Variants in SLC5A4 observed in about 807,000 individuals in gnomAD.
SLC5A4 encodes solute carrier family 5 member 4.
Under a neutral mutation model 70.3 loss-of-function variants are expected in SLC5A4, and 55 were observed. The ratio of observed to expected loss-of-function variants is 0.78; its 90% confidence interval spans 0.63 to 0.98. The LOEUF (loss-of-function observed/expected upper bound fraction) is 0.98, where lower values mean the gene tolerates loss of function less well. Among genes scored for constraint, SLC5A4 ranks in the 50% least tolerant of loss-of-function variants. The pLI is 0.00. For synonymous variants in SLC5A4, 268 were observed against 305.7 expected, an observed-to-expected ratio of 0.88 and a Z score of 1.29; for missense variants, 735 against 839.2, an observed-to-expected ratio of 0.88 and a Z score of 1.53.
At chr22:32,308,131 T>C in the SLC5A4 span, among the ~76,000 whole-genome samples, 5 of 152,294 alleles carry the variant, frequency 3.3e-5, no homozygotes, top group Admixed American at 2.6e-4. Context: ...ACTGGTACGA[T>C]CTCAGCTCAC....
At chr22:32,339,955 C>T in the SLC5A4 span, among the ~76,000 whole-genome samples, 8,532 of 152,264 alleles carry the variant, frequency 0.056, 249 homozygotes, top group South Asian at 0.084. Context: ...ACAGAGAACC[C>T]ACAACCACAG....
chr22:32,270,314 G>C, the SLC5A4 span: 4 of 928,550 alleles, frequency 4.3e-6, no homozygotes, highest in Middle Eastern at 6.9e-4. Flanking sequence ...ATTGTGGTTT[G>C]CTCCAGCCAC....
intron 9 of SLC5A4, 101 bp downstream of exon 9, chr22:32,232,798 T>C (rs1049123680): frequency 4.9e-6 from 7 of 1,439,620 alleles, no homozygotes; most frequent in Admixed American, 2.2e-5. Context: ...CTGCTTTTAC[T>C]TCCTTCCAGA....
chr22:32,333,647 T>C, the SLC5A4 span, among the ~76,000 whole-genome samples: 1 of 152,064 alleles, frequency 6.6e-6, no homozygotes, highest in Non-Finnish European at 1.5e-5. Flanking sequence ...CCAGCTTCCA[T>C]GCATTCTGCA....
chr22:32,264,134 G>A, the SLC5A4 span, among the ~76,000 whole-genome samples: 7 of 151,502 alleles, frequency 4.6e-5, no homozygotes, highest in African/African-American at 1.7e-4. Context: ...ACGCGTATAC[G>A]TATGTAACAA....
intron 13 of SLC5A4, 105 bp downstream of exon 13, chr22:32,224,162 C>T (rs539448280): frequency 2.1e-5 from 17 of 798,974 alleles, no homozygotes; most frequent in Middle Eastern, 2.6e-4. Flanking sequence ...CCTCGTGATC[C>T]GCCCGCCTTG....
chr22:32,233,861 CAAAA>C, intron 8 of SLC5A4, among the ~76,000 whole-genome samples: 1 of 130,674 alleles, frequency 7.7e-6, no homozygotes, highest in East Asian at 2.2e-4. Context: ...TTCCAGGAAC[CAAAA>C]AAAAAAAAAG....
chr22:32,304,646 G>A, the SLC5A4 span, among the ~76,000 whole-genome samples: 1 of 152,148 alleles, frequency 6.6e-6, no homozygotes, highest in Admixed American at 6.5e-5. Context: ...TAGCAGCTGT[G>A]TCTTTTTGCA....
rs143439802 is a variant in SLC5A4, at chr22:32,245,871, T to C, written c.477+1540A>G. 2.9e-4 allele frequency among the ~76,000 whole-genome samples: 44 copies of C among 152,290 alleles called. 1 individual carries two copies. The South Asian group carries it at 4.6e-3, about 16-fold the overall frequency. ...TGTAGATGTCAGCACCAGAGGACAA[T>C]TGGGAGACTAGCAAGTCCAACGATT... On this transcript the variant is annotated intron_variant, in intron 5 of 14. Coordinates refer to ENST00000266086, the MANE Select transcript of SLC5A4 (RefSeq NM_014227.3).
At chr22:32,341,770 C>T in the SLC5A4 span, among the ~76,000 whole-genome samples, 1 of 152,230 alleles carries the variant, frequency 6.6e-6, no homozygotes, top group African/African-American at 2.4e-5. Flanking sequence ...CTCTGCCTAA[C>T]GCTGCCTTTC....
chr22:32,269,483 C>G, the SLC5A4 span: 28 of 551,362 alleles, frequency 5.1e-5, no homozygotes, highest in African/African-American at 7.5e-5. The surrounding 1 kb of genome is among the most constrained non-coding windows in gnomAD (Gnocchi z 4.1). Flanking sequence ...CGAGCCCAAC[C>G]AGACCTGGCC....
intron 14 of SLC5A4, among the ~76,000 whole-genome samples, chr22:32,220,308 C>G (rs923866369): frequency 1.3e-5 from 2 of 152,052 alleles, no homozygotes; most frequent in Admixed American, 6.6e-5. Flanking sequence ...TTGAAGAAAC[C>G]AAACCAAAAC....
chr22:32,233,027 A>G lies in SLC5A4; in HGVS notation c.893T>C (p.Val298Ala), dbSNP rs1368099457. 2 of 1,613,258 alleles carry G rather than the reference A, an allele frequency of 1.2e-6. No homozygotes were observed. Among genetic ancestry groups the G allele is most frequent in the African/African-American group, 2.7e-5 (2 of 74,890 alleles). Residue 298 changes from valine (V) to alanine (A), a missense_variant, in exon 9 of 15, where the codon GTG becomes GCG. Physicochemically the swap from Val to Ala is moderately conservative, Grantham distance 64. Coordinates refer to ENST00000266086, the MANE Select transcript of SLC5A4 (RefSeq NM_014227.3). ...LWYWCTNQVI[V>A]QRCLCGKDMS... The stretch of plus-strand genomic sequence containing the variant: ...GTCCTTGCCACACAGGCAGCGCTGC[A>G]CAATGACCTGCCGGGAGAACGTGAC...
At chr22:32,270,461 G>A in the SLC5A4 span, 3 of 995,948 alleles carry the variant, frequency 3.0e-6, no homozygotes, top group Admixed American at 5.5e-5. Context: ...AATCCCAAGG[G>A]GGAGGGCACG....
At chr22:32,233,331 C>T (rs964556135) in intron 8 of SLC5A4, among the ~76,000 whole-genome samples, 7 of 152,090 alleles carry the variant, frequency 4.6e-5, no homozygotes, top group African/African-American at 7.2e-5. Context: ...TGGATGGAAC[C>T]GGAGGTCATT....
At chr22:32,354,938 G>A in the SLC5A4 span, 1 of 152,522 alleles carries the variant, frequency 6.6e-6, no homozygotes, top group East Asian at 1.9e-4. Flanking sequence ...TGCTAATGAA[G>A]TTGCTCCTCC....
At chr22:32,264,865 G>A in the SLC5A4 span, among the ~76,000 whole-genome samples, 18 of 152,142 alleles carry the variant, frequency 1.2e-4, no homozygotes, top group Admixed American at 1.0e-3. Flanking sequence ...TGTGAACCCC[G>A]CACGTTTATA....
At chr22:32,241,860 T>C (rs1926545728) in intron 5 of SLC5A4, among the ~76,000 whole-genome samples, 2 of 137,828 alleles carry the variant, frequency 1.5e-5, no homozygotes, top group South Asian at 4.4e-4. Flanking sequence ...TGTGTGTGTG[T>C]GTATATATAT....
At chr22:32,257,199 G>A (rs1927529946), upstream of SLC5A4, among the ~76,000 whole-genome samples, 1 of 152,088 alleles carries the variant, frequency 6.6e-6, no homozygotes, top group African/African-American at 2.4e-5. Context: ...AGCCATTTGT[G>A]CATCTTCTTG....
Sources: allele counts gnomAD v4.1 joint callset (sites outside exome capture counted in the v4.1 genomes callset), GRCh38; gene constraint gnomAD v4.1.1; non-coding constraint Gnocchi (gnomAD v3.1); transcripts MANE v1.5; gene names NCBI Gene and HGNC (gene_info 2026-07-23, HGNC 2026-07-21).